EHMT1: variants seen among roughly 807,000 people sequenced by gnomAD.
EHMT1 encodes the protein euchromatic histone lysine methyltransferase 1, also known as histone-lysine N-methyltransferase EHMT1.
Under a neutral mutation model 147.2 loss-of-function variants are expected in EHMT1, and 15 were observed. That is an observed-to-expected ratio of 0.10 (90% confidence interval 0.07 to 0.16). The LOEUF is 0.16. EHMT1 is among the 10% of genes least tolerant of loss of function. The probability of loss-of-function intolerance (pLI) is 1.00; values close to 1 mark genes in which losing one functional copy is unlikely to be tolerated. For missense variants in EHMT1, 1,587 were observed against 1,772.4 expected, an observed-to-expected ratio of 0.90 and a Z score of 1.88; for synonymous variants, 795 against 709.6, an observed-to-expected ratio of 1.12 and a Z score of -1.91.
rs921680860 is a variant in EHMT1, at chr9:137,731,125, C to T, written c.823+2596C>T. Among the ~76,000 whole-genome samples, 1 of 152,198 alleles carries T rather than the reference C, an allele frequency of 6.6e-6. No individual in the cohort carries two copies. Among genetic ancestry groups the T allele is most frequent in the Non-Finnish European group, 1.5e-5 (1 of 68,040 alleles). On this transcript the variant is annotated intron_variant, in intron 4 of 26. Coordinates refer to ENST00000460843, the MANE Select transcript of EHMT1 (RefSeq NM_024757.5). This position sits in a 1 kb window ranked among gnomAD's most constrained non-coding sequence, Gnocchi z 4.3. ...AACTACCCAGCGTGTTTAGCAGGCT[C>T]CAGTTTACCCTTCCACAGCCCCCTT... is the stretch of plus-strand genomic sequence containing the variant.
chr9:137,677,334 C>T (rs1941458849), intron 1 of EHMT1, among the ~76,000 whole-genome samples: 1 of 151,694 alleles, frequency 6.6e-6, no homozygotes, highest in South Asian at 2.1e-4. Context: ...GGGGTTTTGC[C>T]ATGTTGCCCA....
intron 2 of EHMT1, chr9:137,715,450 C>G (rs1945122475): frequency 3.7e-6 from 3 of 813,306 alleles, no homozygotes; most frequent in Non-Finnish European, 4.5e-6. Context: ...ACTTAACGTC[C>G]TCGGGTGGAA....
chr9:137,743,794 C>T, intron 5 of EHMT1, 108 bp from the exon 6 acceptor site: 1 of 1,368,642 alleles, frequency 7.3e-7, no homozygotes. Context: ...TCCCCGCCTC[C>T]CCACAGGCCC....
At chr9:137,718,181 C>T (rs376874240) in intron 3 of EHMT1, among the ~76,000 whole-genome samples, 40 of 151,200 alleles carry the variant, frequency 2.6e-4, no homozygotes, top group South Asian at 4.2e-4. Context: ...ACACAGGGCG[C>T]GCCCGCCCCT....
chr9:137,655,964 TA>T (rs1938395947), intron 1 of EHMT1, among the ~76,000 whole-genome samples: 1 of 152,204 alleles, frequency 6.6e-6, no homozygotes, highest in African/African-American at 2.4e-5. Context: ...AAAAATGTTT[TA>T]ATGCTTTATG....
At chr9:137,814,326 T>C in intron 21 of EHMT1, 105 bp from the exon 22 acceptor site, 1 of 1,260,272 alleles carries the variant, frequency 7.9e-7, no homozygotes, top group African/African-American at 1.5e-5. Context: ...TGAGAAGCAC[T>C]TACCAGAATC....
intron 4 of EHMT1, among the ~76,000 whole-genome samples, chr9:137,736,876 G>A (rs557279004): frequency 1.3e-5 from 2 of 151,292 alleles, no homozygotes; most frequent in South Asian, 4.2e-4. Flanking sequence ...GGGTGACAGA[G>A]TGAGCCTGTG....
At position 137,782,211 on chromosome 9, in the gene EHMT1, C is replaced by T. The variant is rs1012013482; in HGVS notation, c.2276-80C>T. 3.7e-6 allele frequency: 5 copies of T among 1,354,024 alleles called. No homozygotes were observed. The highest frequency in any genetic ancestry group is 5.2e-6 in the Non-Finnish European group (5 of 968,754). 83.9% of individuals were successfully genotyped at this position (1,354,024 alleles called of 1,614,324 possible). A position where few individuals can be genotyped will look rare whatever the true frequency, so the allele number is the denominator to read the frequency against. ...TGTGGAGGATGGTCATTTGTGAGTG[C>T]TTGCCAGCCATCGTGACAGTCCTGA... On this transcript the variant is annotated intron_variant, in intron 14 of 26. Transcript: ENST00000460843. This position sits in a 1 kb window ranked among gnomAD's most constrained non-coding sequence, Gnocchi z 5.7.
At chr9:137,770,479 C>G (rs1387240324) in intron 10 of EHMT1, among the ~76,000 whole-genome samples, 4 of 152,238 alleles carry the variant, frequency 2.6e-5, no homozygotes, top group African/African-American at 9.6e-5. Context: ...TCAGATTTCT[C>G]TAGTGCAAGA....
chr9:137,836,097 G>A lies in EHMT1; in HGVS notation c.*1144G>A, dbSNP rs1179218820. The A allele has an allele frequency of 6.6e-6, 1 of 152,270 alleles. No individual in the cohort carries two copies. Among genetic ancestry groups the A allele is most frequent in the African/African-American group, 2.4e-5 (1 of 41,374 alleles). 9.4% of individuals were successfully genotyped at this position (152,270 alleles called of 1,614,324 possible). A position where few individuals can be genotyped will look rare whatever the true frequency, so the allele number is the denominator to read the frequency against. On this transcript the variant is annotated 3_prime_UTR_variant, in exon 27 of 27. Transcript: ENST00000460843. ...GACCATTTCTTGTTCTGTTTCCAAT[G>A]AAATCAATAAAAAAAAAGAAGTACT...
rs1205533137 is a variant in EHMT1 at position 137,744,109 on chromosome 9, G to C, written c.1170+19G>C. 1 of 1,613,398 alleles carries C rather than the reference G, an allele frequency of 6.2e-7. No individual in the cohort carries two copies. The highest frequency in any genetic ancestry group is 1.1e-5 in the South Asian group (1 of 91,076). On this transcript the variant is annotated intron_variant, in intron 6 of 26. Coordinates refer to ENST00000460843, the MANE Select transcript of EHMT1 (RefSeq NM_024757.5). ...CCAGAAGGTATGTGTTGCTGTCTTGGGTGACAGCACAAGGAAAGAGCATCA... is the reference window on the plus strand; with the variant it reads ...CCAGAAGGTATGTGTTGCTGTCTTGCGTGACAGCACAAGGAAAGAGCATCA...
chr9:137,619,409 C>T (rs1842812824), intron 1 of EHMT1, among the ~76,000 whole-genome samples: 1 of 151,860 alleles, frequency 6.6e-6, no homozygotes, highest in African/African-American at 2.4e-5. Context: ...GGGCCTCGGC[C>T]AGGGTGCCGG....
rs773964836 is a variant in EHMT1, at chr9:137,762,642, T to A, written c.1502-33T>A. 3 of 1,614,088 alleles carry A rather than the reference T, an allele frequency of 1.9e-6. No individual in the cohort carries two copies. The South Asian group carries it at 3.3e-5, about 18-fold the overall frequency. The stretch of plus-strand genomic sequence containing the variant: ...CTAGATGTTCTTTTGAGGTCAGGAT[T>A]GCATGAGCTGACATGTGTCTGTGTG... On this transcript the variant is annotated intron_variant, in intron 9 of 26. Coordinates refer to ENST00000460843, the MANE Select transcript of EHMT1 (RefSeq NM_024757.5).
chr9:137,717,766 C>T (rs563515492), intron 3 of EHMT1, among the ~76,000 whole-genome samples: 7 of 152,286 alleles, frequency 4.6e-5, no homozygotes, highest in Admixed American at 6.5e-5. Flanking sequence ...AAGGAGGCCA[C>T]GGCCTCTTCT....
chr9:137,623,896 A>G (rs1187241635), intron 1 of EHMT1, among the ~76,000 whole-genome samples: 1 of 152,002 alleles, frequency 6.6e-6, no homozygotes, highest in African/African-American at 2.4e-5. Context: ...AGTTCTCTGC[A>G]GCCTTGACCT....
chr9:137,779,608 C>T, intron 13 of EHMT1, 27 bp from the exon 14 acceptor site: 1 of 1,612,878 alleles, frequency 6.2e-7, no homozygotes. Flanking sequence ...GAGCCCCATG[C>T]TGACTGTTGT....
chr9:137,741,254 T>C (rs2136010038), intron 4 of EHMT1, among the ~76,000 whole-genome samples: 1 of 151,900 alleles, frequency 6.6e-6, no homozygotes, highest in South Asian at 2.1e-4. Context: ...GGGATTACAA[T>C]AGGTGTGAGC....
chr9:137,760,428 A>T (rs574071968), intron 9 of EHMT1, among the ~76,000 whole-genome samples: 1 of 152,244 alleles, frequency 6.6e-6, no homozygotes, highest in Non-Finnish European at 1.5e-5. Flanking sequence ...ATCATCTCAG[A>T]GACCCCCCCA....
chr9:137,779,517 C>A, intron 13 of EHMT1, 118 bp from the exon 14 acceptor site: 2 of 1,024,716 alleles, frequency 2.0e-6, no homozygotes, highest in East Asian at 2.6e-5. Flanking sequence ...ATGTGTGGGA[C>A]GCGGAGCCCC....
Sources: allele counts gnomAD v4.1 joint callset (sites outside exome capture counted in the v4.1 genomes callset), GRCh38; gene constraint gnomAD v4.1.1; non-coding constraint Gnocchi (gnomAD v3.1); transcripts MANE v1.5; gene names NCBI Gene and HGNC (gene_info 2026-07-23, HGNC 2026-07-21).